FLNC: variants seen among roughly 807,000 people sequenced by gnomAD.
The protein encoded by FLNC is filamin-C.
FLNC carries 91 observed loss-of-function variants against 254.3 expected under a neutral mutation model. The observed-to-expected ratio is 0.36, with a 90% CI of 0.30 to 0.43. The LOEUF is 0.43. FLNC is among the 20% of genes least tolerant of loss of function. The probability of loss-of-function intolerance (pLI) is 1.00; values close to 1 mark genes in which losing one functional copy is unlikely to be tolerated. For synonymous variants in FLNC, 1,430 were observed against 1,577.2 expected, an observed-to-expected ratio of 0.91 and a Z score of 2.21; for missense variants, 2,853 against 3,802.6, an observed-to-expected ratio of 0.75 and a Z score of 6.57.
At chr7:128,849,904 G>A in intron 30 of FLNC, 72 bp from the exon 31 acceptor site, 1 of 1,095,122 alleles carries the variant, frequency 9.1e-7, no homozygotes. Context: ...CAGGTTCCTG[G>A]GCCATTCTCT....
chr7:128,849,296 C>T (rs779613611), intron 29 of FLNC, 35 bp from the exon 30 acceptor site: 2 of 1,614,094 alleles, frequency 1.2e-6, no homozygotes, highest in East Asian at 2.2e-5. Context: ...GGCTCCAGCC[C>T]ACCAGCTCCC....
Position 128,830,594 on chromosome 7 carries a change from A to G in FLNC, c.-44A>G. On this transcript the variant is annotated 5_prime_UTR_variant, in exon 1 of 48. Coordinates refer to ENST00000325888, the MANE Select transcript of FLNC (RefSeq NM_001458.5). ...AGCGCCCGACAGCCCCCGATAGCCC[A>G]AACCGCGGCCCTAGCCCCGGCCGCA... 6.3e-7 allele frequency: 1 copy of G among 1,584,004 alleles called. No homozygotes were observed. The highest frequency in any genetic ancestry group is 8.6e-7 in the Non-Finnish European group (1 of 1,158,868).
At chr7:128,845,311 G>GT in intron 21 of FLNC, 56 bp downstream of exon 21, 1 of 1,411,354 alleles carries the variant, frequency 7.1e-7, no homozygotes, top group Non-Finnish European at 9.9e-7. Context: ...GAGCTGGGTA[G>GT]TCCGTGGGAG....
intron 18 of FLNC, 29 bp downstream of exon 18, chr7:128,843,606 C>A: frequency 6.2e-7 from 1 of 1,612,896 alleles, no homozygotes; most frequent in Non-Finnish European, 8.5e-7. Context: ...ATGCTACCGC[C>A]CGGCCGGCCC....
Position 128,847,579 on chromosome 7 carries a change from G to C in FLNC, c.4289-118G>C, listed in dbSNP as rs532061621. On this transcript the variant is annotated intron_variant, in intron 24 of 47. Coordinates refer to ENST00000325888, the MANE Select transcript of FLNC (RefSeq NM_001458.5). The stretch of plus-strand genomic sequence containing the variant: ...AAGTTCCTAGCCATTTTCCCATGTT[G>C]GTCTGGCTTCCCTGTGGGCATTTCA... The C allele has an allele frequency of 8.0e-6, 9 of 1,125,844 alleles. No homozygotes were observed. The East Asian group carries it at 2.1e-4, about 27-fold the overall frequency. The allele number at this position is 1,125,844 out of a possible 1,614,324, so 69.7% of individuals were successfully genotyped here.
Position 128,841,537 on chromosome 7 carries a change from T to C in FLNC, c.2091T>C (p.Ala697=). 1 of 1,614,116 alleles carries C rather than the reference T, an allele frequency of 6.2e-7. No individual in the cohort carries two copies. ...AGTTCACCATTGATGCTCGTGCAGC[T>C]GGCAAGGGAGACCTGAAGCTCTATG... The part of the protein sequence containing the change: ...PAEFTIDARA[A]GKGDLKLYAQ... Residue 697 remains alanine (A), a synonymous_variant, in exon 13 of 48, where the codon GCT becomes GCC. Transcript: ENST00000325888. This position sits in a 1 kb window ranked among gnomAD's most constrained non-coding sequence, Gnocchi z 4.3.
chr7:128,856,349 C>T lies in FLNC; in HGVS notation c.7252-169C>T, dbSNP rs1409332084. Among the ~76,000 whole-genome samples the T allele has an allele frequency of 1.3e-5, 2 of 152,244 alleles. No homozygotes were observed. The highest frequency in any genetic ancestry group is 2.9e-5 in the Non-Finnish European group (2 of 68,050). On this transcript the variant is annotated intron_variant, in intron 43 of 47. Coordinates refer to ENST00000325888, the MANE Select transcript of FLNC (RefSeq NM_001458.5). This position sits in a 1 kb window ranked among gnomAD's most constrained non-coding sequence, Gnocchi z 5.9. ...TGCACACATAGGGTTGCATACCGGACCCTGGCTCCTCCTGCTCCCAGGCTG... is the reference window on the plus strand; with the variant it reads ...TGCACACATAGGGTTGCATACCGGATCCTGGCTCCTCCTGCTCCCAGGCTG...
chr7:128,854,275 A>G, intron 40 of FLNC, 59 bp downstream of exon 40: 4 of 1,605,164 alleles, frequency 2.5e-6, no homozygotes, highest in Non-Finnish European at 2.6e-6. Context: ...GGTGCTGCGG[A>G]CCAGGCTTGA....
In FLNC at chr7:128,842,407, C is replaced by G. The variant is rs773560506; in HGVS notation, c.2265+33C>G. 1.9e-5 allele frequency: 31 copies of G among 1,612,976 alleles called. No individual in the cohort carries two copies. The highest frequency in any genetic ancestry group is 2.5e-5 in the Non-Finnish European group (30 of 1,179,798). On this transcript the variant is annotated intron_variant, in intron 14 of 47. Transcript: ENST00000325888. The surrounding 1 kb of genome is among the most constrained non-coding windows in gnomAD (Gnocchi z 5.4). ...CTCCCGGCCTGCCCCGTGCCCACCA[C>G]CAGGGGTCCCTGAGGGAGGGCGGAA...
intron 9 of FLNC, among the ~76,000 whole-genome samples, 172 bp from the exon 10 acceptor site, chr7:128,840,376 G>T (rs1476963746): frequency 6.6e-6 from 1 of 152,186 alleles, no homozygotes; most frequent in Admixed American, 6.5e-5. Context: ...TGCTATACGG[G>T]GTGTTATGCA....
chr7:128,849,178 C>T lies in FLNC; in HGVS notation c.4928-3C>T, dbSNP rs1454448994. On this transcript the variant is annotated splice_polypyrimidine_tract_variant and splice_region_variant and intron_variant, in intron 28 of 47. Transcript: ENST00000325888. The stretch of plus-strand genomic sequence containing the variant: ...CTGGCCTCACACTCTTCTCTCTTTC[C>T]AGTGTCCATTGGAGGCCATGGCCTG... The T allele has an allele frequency of 6.2e-7, 1 of 1,613,640 alleles. No individual in the cohort carries two copies. Among genetic ancestry groups the T allele is most frequent in the Non-Finnish European group, 8.5e-7 (1 of 1,179,978 alleles).
In FLNC at chr7:128,836,545, G is replaced by A. The variant is rs1316658586; in HGVS notation, c.602-615G>A. ...CCTGCACCGTTCATAGGAGTGATCT[G>A]GGGCTGCCTCAGCGTCCTTCCTGTT... is the stretch of plus-strand genomic sequence containing the variant. On this transcript the variant is annotated intron_variant, in intron 2 of 47. Transcript: ENST00000325888. The surrounding 1 kb of genome is among the most constrained non-coding windows in gnomAD (Gnocchi z 6.0). 1.3e-5 allele frequency among the ~76,000 whole-genome samples: 2 copies of A among 152,210 alleles called. No individual in the cohort carries two copies. The highest frequency in any genetic ancestry group is 4.8e-5 in the African/African-American group (2 of 41,448).
At position 128,844,712 on chromosome 7, in the gene FLNC, T is replaced by A. The variant is rs1354409050; in HGVS notation, c.3247T>A (p.Phe1083Ile). 2.5e-6 allele frequency: 4 copies of A among 1,613,644 alleles called. No homozygotes were observed. The highest frequency in any genetic ancestry group is 3.4e-6 in the Non-Finnish European group (4 of 1,180,018). Reference protein sequence around the residue: ...KGGLVGTPAPFSIDTKGAGTG... With the variant: ...KGGLVGTPAPISIDTKGAGTG... ...TGGACTGGTAGGCACCCCCGCGCCA[T>A]TCTCCATCGACACCAAGGGGGCTGG... The change falls in exon 21 of 48, where the codon TTC (phenylalanine) becomes ATC (isoleucine). Residue 1083 changes from phenylalanine to isoleucine, a missense_variant. Transcript: ENST00000325888.
rs369678123 is a variant in FLNC, at chr7:128,858,358, C to T, written c.8013C>T (p.Gly2671=). 55 of 1,559,640 alleles carry T rather than the reference C, an allele frequency of 3.5e-5. No homozygotes were observed. Among genetic ancestry groups the T allele is most frequent in the Non-Finnish European group, 4.7e-5 (53 of 1,134,298 alleles). The change falls in exon 48 of 48, where the codon GGC becomes GGT. Residue 2671 remains glycine, a synonymous_variant. Transcript: ENST00000325888. This position sits in a 1 kb window ranked among gnomAD's most constrained non-coding sequence, Gnocchi z 6.7. ...CAGGCACCAACATGATGATGGTGGGCGTGCACGGCCCCAAGACCCCCTGTG... is the reference window on the plus strand; with the variant it reads ...CAGGCACCAACATGATGATGGTGGGTGTGCACGGCCCCAAGACCCCCTGTG... ...SKAGTNMMMV[G]VHGPKTPCEE...
intron 1 of FLNC, among the ~76,000 whole-genome samples, chr7:128,833,868 AG>A (rs963226820): frequency 1.4e-5 from 2 of 140,376 alleles, no homozygotes; most frequent in African/African-American, 5.2e-5. Flanking sequence ...AGCCAGGGGA[AG>A]GGGGTGGGCT....
At position 128,846,461 on chromosome 7, in the gene FLNC, C is replaced by G. The variant is rs191931963; in HGVS notation, c.4125C>G (p.Thr1375=). The G allele has an allele frequency of 2.5e-6, 4 of 1,601,170 alleles. No homozygotes were observed. The East Asian group carries it at 8.9e-5, about 36-fold the overall frequency. The change falls in exon 23 of 48, where the codon ACC becomes ACG. Residue 1375 remains threonine, a splice_region_variant and synonymous_variant. Coordinates refer to ENST00000325888, the MANE Select transcript of FLNC (RefSeq NM_001458.5). Reference sequence around the variant, plus strand: ...AGGCCAACCGATTCACTGTGGAGACCAGGTATCCTCCCCCTTTGCTAGCCT... The same window carrying G: ...AGGCCAACCGATTCACTGTGGAGACGAGGTATCCTCCCCCTTTGCTAGCCT... ...VNKANRFTVE[T]RGAGTGGLGL...
intron 1 of FLNC, among the ~76,000 whole-genome samples, chr7:128,832,703 C>T (rs1372193869): frequency 6.6e-6 from 1 of 152,204 alleles, no homozygotes; most frequent in Non-Finnish European, 1.5e-5. Flanking sequence ...CCCTGGTTCC[C>T]GCTGGGAGGA....
rs547801716 is a variant in FLNC, at chr7:128,852,030, T to C, written c.5842+402T>C. 1.2e-4 allele frequency among the ~76,000 whole-genome samples: 18 copies of C among 152,266 alleles called. No individual in the cohort carries two copies. The East Asian group carries it at 2.7e-3, about 23-fold the overall frequency. ...CCAGGCGCCCGCCACCATGCCTGGC[T>C]ATTTTTTGTATTTTTAGTAGAGACA... On this transcript the variant is annotated intron_variant, in intron 35 of 47. Transcript: ENST00000325888.
intron 24 of FLNC, among the ~76,000 whole-genome samples, chr7:128,847,467 C>T (rs560292548): frequency 6.6e-6 from 1 of 152,362 alleles, no homozygotes; most frequent in Non-Finnish European, 1.5e-5. Flanking sequence ...AAGGCCTTCT[C>T]TTCCAGGCCT....
Sources: gnomAD v4.1 joint callset for allele counts (sites outside exome capture counted in the v4.1 genomes callset) on GRCh38, gnomAD v4.1.1 for gene constraint, Gnocchi (gnomAD v3.1) non-coding constraint, MANE v1.5 for transcripts, NCBI Gene and HGNC (gene_info 2026-07-23, HGNC 2026-07-21) for gene names.